The following MGRN1 variants were observed in gnomAD, a reference collection of about 807,000 sequenced individuals.
MGRN1 encodes mahogunin ring finger 1.
MGRN1 carries 29 observed loss-of-function variants against 69.2 expected under a neutral mutation model. The observed-to-expected ratio is 0.42, with a 90% CI of 0.31 to 0.57. The LOEUF is 0.57. Ranked by LOEUF, MGRN1 falls within the 20% of genes least tolerant of loss-of-function variation. The probability of loss-of-function intolerance (pLI) is 0.15; values close to 1 mark genes in which losing one functional copy is unlikely to be tolerated. For missense variants in MGRN1, 998 were observed against 796.2 expected (o/e 1.25, Z -3.05); for synonymous variants, 470 against 344.2 (o/e 1.37, Z -4.04).
At chr16:4,657,868 G>A (rs1012128564) in intron 5 of MGRN1, among the ~76,000 whole-genome samples, 1 of 145,110 alleles carries the variant, frequency 6.9e-6, no homozygotes, top group Non-Finnish European at 1.5e-5. Context: ...TCAGCCTCCC[G>A]AGTGGCTGGG....
intron 16 of MGRN1, among the ~76,000 whole-genome samples, chr16:4,685,348 A>C (rs1336705306): frequency 6.6e-6 from 1 of 152,204 alleles, no homozygotes; most frequent in Non-Finnish European, 1.5e-5. Flanking sequence ...AAGGATTGGG[A>C]CAGCTACAGA....
At position 4,664,778 on chromosome 16, in the gene MGRN1, G is replaced by A. The variant is rs200745189; in HGVS notation, c.628+3G>A. On this transcript the variant is annotated splice_donor_region_variant and intron_variant, in intron 6 of 16. Transcript: ENST00000262370. Reference sequence around the variant, plus strand: ...GGCTGTGGTGGACGAAGGAGATGGTGAGTGCGTCCTCTTCCGTCCTCCTGG... The same window carrying A: ...GGCTGTGGTGGACGAAGGAGATGGTAAGTGCGTCCTCTTCCGTCCTCCTGG... 5 of 1,614,208 alleles carry A rather than the reference G, an allele frequency of 3.1e-6. No individual in the cohort carries two copies. Among genetic ancestry groups the A allele is most frequent in the African/African-American group, 2.7e-5 (2 of 75,064 alleles).
chr16:4,676,021 G>C (rs560887489), intron 10 of MGRN1, among the ~76,000 whole-genome samples: 1 of 152,350 alleles, frequency 6.6e-6, no homozygotes, highest in African/African-American at 2.4e-5. Flanking sequence ...TTGGGGATTT[G>C]CCTGCGCAGC....
At chr16:4,684,956 G>A (rs990965143) in intron 16 of MGRN1, among the ~76,000 whole-genome samples, 9 of 152,230 alleles carry the variant, frequency 5.9e-5, no homozygotes, top group Admixed American at 3.9e-4. Flanking sequence ...TGGTTGTGAC[G>A]TGCTTTAGTT....
rs2079221718 is a variant in MGRN1 at position 4,682,952 on chromosome 16, G to T, written c.1482+6G>T. Reference sequence around the variant, plus strand: ...GGGAAAGCAGCTCCCCTGAGGTGAGGCCCCCCCGGGGAAGCTTTGCGCACC... The same window carrying T: ...GGGAAAGCAGCTCCCCTGAGGTGAGTCCCCCCCGGGGAAGCTTTGCGCACC... On this transcript the variant is annotated splice_donor_region_variant and intron_variant, in intron 14 of 16. Coordinates refer to ENST00000262370, the MANE Select transcript of MGRN1 (RefSeq NM_015246.4). 1.3e-6 allele frequency: 2 copies of T among 1,552,836 alleles called. No homozygotes were observed. Among genetic ancestry groups the T allele is most frequent in the Non-Finnish European group, 1.7e-6 (2 of 1,146,370 alleles).
In MGRN1 at chr16:4,687,701, A is replaced by G. The variant is rs998998116; in HGVS notation, c.1619-1095A>G. 2.1e-5 allele frequency: 21 copies of G among 985,350 alleles called. No homozygotes were observed. The African/African-American group carries it at 3.7e-4, about 17-fold the overall frequency. 61.0% of individuals were successfully genotyped at this position (985,350 alleles called of 1,614,324 possible). A position where few individuals can be genotyped will look rare whatever the true frequency, so the allele number is the denominator to read the frequency against. ...GCCTTCCCAGAGGGTCTTGGCACACAAGCTGCGTGCAGCTCTGGTCTGCCG... is the reference window on the plus strand; with the variant it reads ...GCCTTCCCAGAGGGTCTTGGCACACGAGCTGCGTGCAGCTCTGGTCTGCCG... On this transcript the variant is annotated intron_variant, in intron 16 of 16. Transcript: ENST00000262370.
chr16:4,683,979 G>A, intron 16 of MGRN1, 47 bp downstream of exon 16: 1 of 1,505,892 alleles, frequency 6.6e-7, no homozygotes. Context: ...GCCTGTCTTA[G>A]TCCCCAGGGA....
rs1175997332 is a variant in MGRN1 at position 4,679,460 on chromosome 16, TGCCAG to T, written c.1066-570_1066-566del. The stretch of plus-strand genomic sequence containing the variant: ...GCAAAAGCAAACGCTCCTCCTCACC[TGCCAG>T]GTTCCTGTTGGAGCCCCTTCCACGT... On this transcript the variant is annotated intron_variant, in intron 11 of 16. Coordinates refer to ENST00000262370, the MANE Select transcript of MGRN1 (RefSeq NM_015246.4). Among the ~76,000 whole-genome samples the T allele has an allele frequency of 5.3e-5, 8 of 151,374 alleles. No individual in the cohort carries two copies. The East Asian group carries it at 1.6e-3, about 30-fold the overall frequency.
chr16:4,648,246 G>T (rs191878557), intron 1 of MGRN1, among the ~76,000 whole-genome samples: 7 of 151,666 alleles, frequency 4.6e-5, no homozygotes, highest in African/African-American at 9.7e-5. Context: ...GACTCTTCCC[G>T]TGGTCACCCG....
intron 1 of MGRN1, among the ~76,000 whole-genome samples, chr16:4,638,057 C>G (rs115919472): frequency 1.3e-5 from 2 of 152,272 alleles, no homozygotes; most frequent in South Asian, 2.1e-4. Context: ...ATGGGAGGTC[C>G]GAAAGGGACT....
intron 1 of MGRN1, among the ~76,000 whole-genome samples, chr16:4,629,150 A>ATATTTGTGTGTGTGTGTGTG (rs1555445266): frequency 3.1e-5 from 4 of 127,602 alleles, no homozygotes; most frequent in Admixed American, 1.5e-4. Flanking sequence ...TTCTGTTCGT[A>ATATTTGTGTGTGTGTGTGTG]TGTGTGTGTG....
At chr16:4,664,380 G>A (rs938419843) in intron 5 of MGRN1, 2 of 376,896 alleles carry the variant, frequency 5.3e-6, no homozygotes, top group Non-Finnish European at 9.8e-6. Flanking sequence ...GTGTGTGGGT[G>A]CTGATGGCTA....
intron 1 of MGRN1, among the ~76,000 whole-genome samples, chr16:4,639,371 C>CTT (rs2078107656): frequency 6.6e-6 from 1 of 151,842 alleles, no homozygotes; most frequent in African/African-American, 2.4e-5. Context: ...TAGCCCAGGC[C>CTT]GGGAAGGTGG....
Position 4,664,226 on chromosome 16 carries a change from A to T in MGRN1, c.562-483A>T, listed in dbSNP as rs752483544. ...GGAAAGCAGCACCGATGCGTGCTGCACCGTGGGTGAACTTTGGAAACATAC... is the reference window on the plus strand; with the variant it reads ...GGAAAGCAGCACCGATGCGTGCTGCTCCGTGGGTGAACTTTGGAAACATAC... On this transcript the variant is annotated intron_variant, in intron 5 of 16. Coordinates refer to ENST00000262370, the MANE Select transcript of MGRN1 (RefSeq NM_015246.4). 8.2e-5 allele frequency: 18 copies of T among 219,358 alleles called. 1 individual carries two copies. The highest frequency in any genetic ancestry group is 1.4e-4 in the Non-Finnish European group (15 of 108,194). The allele number at this position is 219,358 out of a possible 1,614,324, so 13.6% of individuals were successfully genotyped here.
At chr16:4,666,257 T>C (rs1333956565) in intron 7 of MGRN1, among the ~76,000 whole-genome samples, 3 of 152,102 alleles carry the variant, frequency 2.0e-5, no homozygotes, top group Admixed American at 6.5e-5. Flanking sequence ...GCCTCCCGAG[T>C]AGCTGGGACT....
intron 7 of MGRN1, among the ~76,000 whole-genome samples, chr16:4,668,009 G>A (rs1467805339): frequency 6.6e-6 from 1 of 152,084 alleles, no homozygotes; most frequent in East Asian, 1.9e-4. Context: ...TGGGTTCTGT[G>A]GGTCAGCAGA....
intron 1 of MGRN1, among the ~76,000 whole-genome samples, chr16:4,627,727 C>T (rs182751031): frequency 6.6e-4 from 100 of 151,000 alleles, no homozygotes; most frequent in South Asian, 1.5e-3. Flanking sequence ...GAGGTGGAGG[C>T]TGCAGTGAGC....
intron 1 of MGRN1, among the ~76,000 whole-genome samples, chr16:4,639,179 C>T (rs778858029): frequency 6.6e-5 from 10 of 151,980 alleles, no homozygotes; most frequent in African/African-American, 2.2e-4. Context: ...GATGCGGGGC[C>T]GTGGACAGTT....
At position 4,682,687 on chromosome 16, in the gene MGRN1, C is replaced by T. The variant is rs527541304; in HGVS notation, c.1359-136C>T. 14 of 1,066,598 alleles carry T rather than the reference C, an allele frequency of 1.3e-5. No homozygotes were observed. The African/African-American group carries it at 1.3e-4, about 10-fold the overall frequency. The allele number at this position is 1,066,598 out of a possible 1,614,324, so 66.1% of individuals were successfully genotyped here. A position where few individuals can be genotyped will look rare whatever the true frequency, so the allele number is the denominator to read the frequency against. ...GTTGGTCCCGGTGGCTGGTGATGCC[C>T]TTCTCCAGGGAGTGTCCTTGCGTGG... On this transcript the variant is annotated intron_variant, in intron 13 of 16. Transcript: ENST00000262370.
Sources: allele counts gnomAD v4.1 joint callset (sites outside exome capture counted in the v4.1 genomes callset), GRCh38; gene constraint gnomAD v4.1.1; transcripts MANE v1.5; gene names NCBI Gene and HGNC (gene_info 2026-07-23, HGNC 2026-07-21).